Variants in SYNE1 observed in about 807,000 individuals in gnomAD.
The protein encoded by SYNE1 is spectrin repeat containing nuclear envelope protein 1, also known as nesprin-1.
SYNE1 carries 616 observed loss-of-function variants against 1,111.0 expected under a neutral mutation model. The ratio of observed to expected loss-of-function variants is 0.55; its 90% CI spans 0.52 to 0.59. The LOEUF (loss-of-function observed/expected upper bound fraction) is 0.59. SYNE1 is among the 20% of genes least tolerant of loss of function. The pLI is 0.00. For missense variants in SYNE1, 10,006 were observed against 10,417.0 expected (o/e 0.96, Z 1.72); for synonymous variants, 3,855 against 3,825.8 (o/e 1.01, Z -0.28).
At chr6:152,305,222 G>T (rs147903115) in intron 91 of SYNE1, among the ~76,000 whole-genome samples, 3 of 152,090 alleles carry the variant, frequency 2.0e-5, no homozygotes, top group Non-Finnish European at 4.4e-5. Context: ...TTTAAAAGTG[G>T]CAGGATGATT....
At chr6:152,229,190 G>A (rs1246799088) in intron 115 of SYNE1, among the ~76,000 whole-genome samples, 3 of 152,138 alleles carry the variant, frequency 2.0e-5, no homozygotes, top group Non-Finnish European at 4.4e-5. Context: ...TTTGCAGAGA[G>A]AAGCTTTTCT....
At chr6:152,571,493 C>T (rs2099457288) in intron 3 of SYNE1, among the ~76,000 whole-genome samples, 1 of 152,146 alleles carries the variant, frequency 6.6e-6, no homozygotes, top group South Asian at 2.1e-4. Context: ...TACAATCCTT[C>T]AGAGGCATTT....
intron 72 of SYNE1, among the ~76,000 whole-genome samples, chr6:152,348,668 A>G (rs2096684071): frequency 1.3e-5 from 2 of 152,142 alleles, no homozygotes; most frequent in Non-Finnish European, 2.9e-5. Context: ...CTGGGCAACA[A>G]GAGCAAAACT....
chr6:152,188,895 T>G (rs1481809582), intron 128 of SYNE1, among the ~76,000 whole-genome samples: 1 of 138,552 alleles, frequency 7.2e-6, no homozygotes, highest in African/African-American at 2.7e-5. Flanking sequence ...GAGGTGGAGC[T>G]TGCAGTGAGC....
At chr6:152,313,683 C>T (rs574959456) in intron 87 of SYNE1, among the ~76,000 whole-genome samples, 6 of 152,138 alleles carry the variant, frequency 3.9e-5, no homozygotes, top group African/African-American at 7.2e-5. Context: ...AGGCTGGTCT[C>T]GAACTCTTGA....
At chr6:152,364,414 A>G (rs2097013135) in intron 63 of SYNE1, among the ~76,000 whole-genome samples, 1 of 150,290 alleles carries the variant, frequency 6.7e-6, no homozygotes, top group Non-Finnish European at 1.5e-5. Context: ...TCCCAAGTCC[A>G]CTACTTGGTT....
intron 95 of SYNE1, among the ~76,000 whole-genome samples, chr6:152,292,909 A>G (rs1321741551): frequency 6.6e-6 from 1 of 152,200 alleles, no homozygotes; most frequent in Non-Finnish European, 1.5e-5. Flanking sequence ...AATAAATATA[A>G]TTTTAACAGC....
chr6:152,553,445 G>A (rs894512706), intron 3 of SYNE1, among the ~76,000 whole-genome samples: 8 of 151,980 alleles, frequency 5.3e-5, no homozygotes, highest in South Asian at 2.1e-4. Flanking sequence ...CCTTTCCCCC[G>A]TACTATATTA....
At chr6:152,230,040 T>TC (rs893098930) in intron 115 of SYNE1, among the ~76,000 whole-genome samples, 4 of 151,862 alleles carry the variant, frequency 2.6e-5, no homozygotes, top group Admixed American at 2.6e-4. Flanking sequence ...TAGGCAATTT[T>TC]TTTTTTCTTG....
chr6:152,366,432 CAAG>C (rs2097081298), intron 62 of SYNE1, among the ~76,000 whole-genome samples: 1 of 152,038 alleles, frequency 6.6e-6, no homozygotes, highest in Admixed American at 6.6e-5. Context: ...GAGGCCAAGG[CAAG>C]AAGATTGCTT....
At chr6:152,348,830 T>C (rs1255328651) in intron 72 of SYNE1, among the ~76,000 whole-genome samples, 4 of 151,856 alleles carry the variant, frequency 2.6e-5, no homozygotes, top group Non-Finnish European at 5.9e-5. Flanking sequence ...TCATTATATC[T>C]ATAGGAAACC....
intron 145 of SYNE1, chr6:152,127,094 GTCT>G (rs1021062206): frequency 2.0e-5 from 3 of 152,106 alleles, no homozygotes; most frequent in African/African-American, 7.2e-5. Context: ...TAGGACCCAG[GTCT>G]TCTTTTTTTC....
In SYNE1 at chr6:152,325,204, G is replaced by T. The variant is rs919523997; in HGVS notation, c.15537C>A (p.Ala5179=). 4 of 1,614,182 alleles carry T rather than the reference G, an allele frequency of 2.5e-6. No individual in the cohort carries two copies. The highest frequency in any genetic ancestry group is 3.4e-6 in the Non-Finnish European group (4 of 1,180,040). ...CGGTGGTCATTGACCTGCTCAGGGT[G>T]GCTTTGCTGGCATCATTTCCGGTTT... ...LEKTGNDASK[A]TLSRSMTTVW... Residue 5179 remains alanine, a synonymous_variant, in exon 81 of 146, where the codon GCC becomes GCA. Coordinates refer to ENST00000367255, the MANE Select transcript of SYNE1 (RefSeq NM_182961.4).
Position 152,419,559 on chromosome 6 carries a change from A to AT in SYNE1, c.5421+9_5421+10insA. 1 of 1,598,066 alleles carries AT rather than the reference A, an allele frequency of 6.3e-7. No individual in the cohort carries two copies. Among genetic ancestry groups the AT allele is most frequent in the Non-Finnish European group, 8.5e-7 (1 of 1,175,672 alleles). ...CTTCTTCAATCTTAAAAAAAAAAAA[A>AT]CCACTTTACCTTATGCCGAGTAAGG... On this transcript the variant is annotated intron_variant, in intron 40 of 145. Transcript: ENST00000367255.
chr6:152,357,222 T>A (rs1376772820), intron 66 of SYNE1, among the ~76,000 whole-genome samples: 1 of 152,206 alleles, frequency 6.6e-6, no homozygotes, highest in Non-Finnish European at 1.5e-5. Flanking sequence ...AGAAGTTGTC[T>A]CTTGCCTGAA....
chr6:152,559,633 A>C (rs1477091642), intron 3 of SYNE1, among the ~76,000 whole-genome samples: 1 of 152,198 alleles, frequency 6.6e-6, no homozygotes, highest in Non-Finnish European at 1.5e-5. Context: ...GCAACAAAAT[A>C]AGTTCTAAGA....
At chr6:152,443,027 TTAAAG>T (rs1201935767) in intron 30 of SYNE1, among the ~76,000 whole-genome samples, 1 of 152,186 alleles carries the variant, frequency 6.6e-6, no homozygotes, top group African/African-American at 2.4e-5. Flanking sequence ...GGAAATTGTC[TTAAAG>T]TAAACTTTTT....
chr6:152,290,072 T>C (rs2094527243), intron 95 of SYNE1, among the ~76,000 whole-genome samples: 1 of 152,092 alleles, frequency 6.6e-6, no homozygotes, highest in Admixed American at 6.5e-5. Flanking sequence ...AGTTGTTACA[T>C]ATATGAAAAA....
chr6:152,261,982 A>C, intron 101 of SYNE1, 50 bp downstream of exon 101: 1 of 1,482,126 alleles, frequency 6.7e-7, no homozygotes, highest in Non-Finnish European at 9.2e-7. Flanking sequence ...CCTCAGCATA[A>C]ACTCTACATC....
Sources: allele counts gnomAD v4.1 joint callset (sites outside exome capture counted in the v4.1 genomes callset), GRCh38; gene constraint gnomAD v4.1.1; transcripts MANE v1.5; gene names NCBI Gene and HGNC (gene_info 2026-07-23, HGNC 2026-07-21).